CDK5RAP1: variants seen among roughly 807,000 people sequenced by gnomAD.
The protein encoded by CDK5RAP1 is CDK5RAP1 mitochondrial tRNA methylthiotransferase, also known as mitochondrial tRNA methylthiotransferase CDK5RAP1.
CDK5RAP1 carries 62 observed loss-of-function variants against 64.5 expected under a neutral mutation model. The ratio of observed to expected loss-of-function variants is 0.96; its 90% CI spans 0.78 to 1.19. The LOEUF is 1.19. Ranked by LOEUF, CDK5RAP1 falls within the 50% of genes most tolerant of loss-of-function variation. CDK5RAP1 has a pLI of 0.00. For synonymous variants in CDK5RAP1, 250 were observed against 261.9 expected (o/e 0.95, Z 0.44); for missense variants, 657 against 735.0 (o/e 0.89, Z 1.23).
Position 33,371,157 on chromosome 20 carries a change from G to A in CDK5RAP1, c.1262-528C>T, listed in dbSNP as rs536353761. On this transcript the variant is annotated intron_variant, in intron 10 of 13. Coordinates refer to ENST00000346416, the MANE Select transcript of CDK5RAP1 (RefSeq NM_016408.4). ...AAAATACAAAAATTGACCAGGCAGGGTGGTATTCAAGTGTAGTCCCAGCTA... is the reference window on the plus strand; with the variant it reads ...AAAATACAAAAATTGACCAGGCAGGATGGTATTCAAGTGTAGTCCCAGCTA... Among the ~76,000 whole-genome samples the A allele has an allele frequency of 3.9e-4, 60 of 152,228 alleles. No homozygotes were observed. The South Asian group carries it at 4.2e-3, about 11-fold the overall frequency.
In CDK5RAP1 at chr20:33,392,898, T is replaced by G. The variant is rs559627074; in HGVS notation, c.444-656A>C. Among the ~76,000 whole-genome samples, 22 of 152,028 alleles carry G rather than the reference T, an allele frequency of 1.4e-4. No homozygotes were observed. The South Asian group carries it at 4.6e-3, about 32-fold the overall frequency. ...TTAGCAATTTCTCCTTTTTTTTTTT[T>G]GAGATGGAGTCTCGCTTTGTCACCA... On this transcript the variant is annotated intron_variant, in intron 4 of 13. Transcript: ENST00000346416.
chr20:33,364,188 C>CTTTTTTT lies in CDK5RAP1; in HGVS notation c.1542+2664_1542+2670dup, dbSNP rs11479107. Among the ~76,000 whole-genome samples, 2 of 135,508 alleles carry CTTTTTTT rather than the reference C, an allele frequency of 1.5e-5. 1 individual carries two copies. Among genetic ancestry groups the CTTTTTTT allele is most frequent in the Non-Finnish European group, 3.2e-5 (2 of 62,562 alleles). 88.9% of individuals were successfully genotyped at this position (135,508 alleles called of 152,430 possible). A position where few individuals can be genotyped will look rare whatever the true frequency, so the allele number is the denominator to read the frequency against. ...ACTGAAATATTTACTGAAGAAATAGCTTTTTTTTTTTTTTTTTTGAGATGG... is the reference window on the plus strand; with the variant it reads ...ACTGAAATATTTACTGAAGAAATAGCTTTTTTTTTTTTTTTTTTTTTTTTTGAGATGG... On this transcript the variant is annotated intron_variant, in intron 12 of 13. Transcript: ENST00000346416.
intron 4 of CDK5RAP1, among the ~76,000 whole-genome samples, chr20:33,392,833 T>C (rs774703922): frequency 2.0e-5 from 3 of 151,854 alleles, no homozygotes; most frequent in Admixed American, 2.0e-4. Context: ...TGATTCCAGA[T>C]CCTAATGCCC....
intron 5 of CDK5RAP1, 106 bp from the exon 6 acceptor site, chr20:33,387,639 G>A: frequency 1.2e-6 from 1 of 842,748 alleles, no homozygotes; most frequent in Non-Finnish European, 1.9e-6. Flanking sequence ...CCAGGGCACA[G>A]AAAACTTCTC....
In CDK5RAP1 at chr20:33,396,969, T is replaced by A. The variant is rs756778174; in HGVS notation, c.96A>T (p.Ala32=). ...ACATGGTACTAGAGAGACTGCTGTG[T>A]GCCCTGCACATCCTCAGCGACAGCC... is the stretch of plus-strand genomic sequence containing the variant. The part of the protein sequence containing the change: ...VSWLSLRMCR[A]HSSLSSTMCP... Residue 32 remains alanine, a synonymous_variant, in exon 2 of 14, where the codon GCA becomes GCT. Coordinates refer to ENST00000346416, the MANE Select transcript of CDK5RAP1 (RefSeq NM_016408.4). The A allele has an allele frequency of 1.2e-5, 19 of 1,614,196 alleles. No individual in the cohort carries two copies. The East Asian group carries it at 3.6e-4, about 30-fold the overall frequency.
At chr20:33,370,702 G>T in intron 10 of CDK5RAP1, 73 bp from the exon 11 acceptor site, 2 of 1,518,508 alleles carry the variant, frequency 1.3e-6, no homozygotes, top group Non-Finnish European at 1.8e-6. Context: ...AGCATATGTG[G>T]ATTACAAGGG....
rs571453763 is a variant in CDK5RAP1, at chr20:33,401,300, C to A, written c.-21+128G>T. The A allele has an allele frequency of 1.6e-4, 115 of 705,002 alleles. No homozygotes were observed. In the African/African-American group the frequency reaches 2.1e-3, roughly 13 times the overall value. The allele number at this position is 705,002 out of a possible 1,614,324, so 43.7% of individuals were successfully genotyped here. A position where few individuals can be genotyped will look rare whatever the true frequency, so the allele number is the denominator to read the frequency against. ...AACCCCTACAGCCTGACGCCAGGCCCCACGCCATAACCACCGTGCCATCCT... is the reference window on the plus strand; with the variant it reads ...AACCCCTACAGCCTGACGCCAGGCCACACGCCATAACCACCGTGCCATCCT... On this transcript the variant is annotated intron_variant, in intron 1 of 13. Coordinates refer to ENST00000346416, the MANE Select transcript of CDK5RAP1 (RefSeq NM_016408.4).
In CDK5RAP1 at chr20:33,396,846, T is replaced by TGAG; in HGVS notation, c.216_218dup (p.Ser73dup). 6.2e-7 allele frequency: 1 copy of TGAG among 1,614,192 alleles called. No individual in the cohort carries two copies. The highest frequency in any genetic ancestry group is 8.5e-7 in the Non-Finnish European group (1 of 1,180,032). On this transcript the variant is annotated inframe_insertion, in exon 2 of 14. Transcript: ENST00000346416. The stretch of plus-strand genomic sequence containing the variant: ...CTGAAGACAGCTTCTCCTGAGGAGC[T>TGAG]GAGGCACTTTTTAAAAAATGTTGAA...
At chr20:33,362,869 A>G (rs926671831) in intron 12 of CDK5RAP1, among the ~76,000 whole-genome samples, 6 of 152,220 alleles carry the variant, frequency 3.9e-5, no homozygotes, top group Admixed American at 3.9e-4. Flanking sequence ...AATCAAAGAC[A>G]CAGAAAGGAG....
chr20:33,366,557 G>C (rs1202832480), intron 12 of CDK5RAP1, among the ~76,000 whole-genome samples: 1 of 151,584 alleles, frequency 6.6e-6, no homozygotes, highest in Non-Finnish European at 1.5e-5. Flanking sequence ...GGTTGCAGTG[G>C]GCCGAGACTG....
intron 7 of CDK5RAP1, among the ~76,000 whole-genome samples, chr20:33,382,159 G>A (rs1332189816): frequency 2.6e-5 from 4 of 152,138 alleles, no homozygotes; most frequent in African/African-American, 9.7e-5. Context: ...AATGCTCGAG[G>A]AAACTCTCTT....
Position 33,360,506 on chromosome 20 carries a change from G to C in CDK5RAP1, c.1543-15C>G, listed in dbSNP as rs750360540. The C allele has an allele frequency of 2.5e-6, 4 of 1,601,178 alleles. No individual in the cohort carries two copies. Among genetic ancestry groups the C allele is most frequent in the Non-Finnish European group, 3.4e-6 (4 of 1,174,936 alleles). On this transcript the variant is annotated splice_polypyrimidine_tract_variant and intron_variant, in intron 12 of 13. Transcript: ENST00000346416. ...CGTTTACTGAGCTGCAGAAAGAAGA[G>C]AGAAGAGTTCGTGGATTTGTCACAG...
chr20:33,367,377 C>T (rs533979916), intron 11 of CDK5RAP1, among the ~76,000 whole-genome samples: 1 of 152,228 alleles, frequency 6.6e-6, no homozygotes, highest in East Asian at 1.9e-4. Flanking sequence ...TTTCAATAGG[C>T]AAGTAGTCAC....
intron 7 of CDK5RAP1, among the ~76,000 whole-genome samples, chr20:33,385,166 C>G (rs1987256234): frequency 6.6e-6 from 1 of 152,220 alleles, no homozygotes; most frequent in African/African-American, 2.4e-5. Context: ...CTCCCCTCAT[C>G]TATTCTGTCC....
intron 6 of CDK5RAP1, among the ~76,000 whole-genome samples, chr20:33,386,775 TAAA>T (rs11481511): frequency 7.2e-6 from 1 of 139,310 alleles, no homozygotes; most frequent in Non-Finnish European, 1.5e-5. Flanking sequence ...AACTTTTCTG[TAAA>T]AAAAAAAAAA....
rs139643163 is a variant in CDK5RAP1 at position 33,388,952 on chromosome 20, G to A, written c.545-1419C>T. On this transcript the variant is annotated intron_variant, in intron 5 of 13. Transcript: ENST00000346416. Reference sequence around the variant, plus strand: ...CTCAATGTTGCCAGGCTGGAGTGCAGTGGCGTGACCTCCGCTCGCTACAAC... The same window carrying A: ...CTCAATGTTGCCAGGCTGGAGTGCAATGGCGTGACCTCCGCTCGCTACAAC... 6.7e-3 allele frequency among the ~76,000 whole-genome samples: 1,022 copies of A among 152,308 alleles called. 5 individuals carry two copies. The highest frequency in any genetic ancestry group is 0.011 in the Non-Finnish European group (726 of 68,030).
chr20:33,364,982 G>A (rs1983632591), intron 12 of CDK5RAP1, among the ~76,000 whole-genome samples: 2 of 151,718 alleles, frequency 1.3e-5, no homozygotes, highest in South Asian at 2.1e-4. Context: ...TCGACCTCCT[G>A]GATTCAAGCA....
chr20:33,381,534 C>A (rs1057074105), intron 7 of CDK5RAP1, among the ~76,000 whole-genome samples: 1 of 152,092 alleles, frequency 6.6e-6, no homozygotes, highest in Non-Finnish European at 1.5e-5. Context: ...TCAAGCGATT[C>A]TCCTGCCTCA....
chr20:33,377,741 T>C (rs1300753546), intron 8 of CDK5RAP1, among the ~76,000 whole-genome samples: 1 of 152,168 alleles, frequency 6.6e-6, no homozygotes, highest in East Asian at 1.9e-4. Flanking sequence ...AACCTCTGCC[T>C]CCCGGGTTCA....
Sources: allele counts gnomAD v4.1 joint callset (sites outside exome capture counted in the v4.1 genomes callset), GRCh38; gene constraint gnomAD v4.1.1; transcripts MANE v1.5; gene names NCBI Gene and HGNC (gene_info 2026-07-23, HGNC 2026-07-21).